Variants in ZNF483 observed in about 807,000 individuals in gnomAD.
The protein encoded by ZNF483 is zinc finger protein 483, also known as zinc finger protein HIT-10.
A neutral mutation model predicts 28.6 loss-of-function variants in ZNF483; 9 were observed. That is an observed-to-expected ratio of 0.32 (90% CI 0.19 to 0.55). The LOEUF is 0.55. Among genes scored for constraint, ZNF483 ranks in the 20% least tolerant of loss-of-function variants. The pLI is 0.93. For synonymous variants in ZNF483, 322 were observed against 306.2 expected (o/e 1.05, Z -0.54); for missense variants, 675 against 871.7 (o/e 0.77, Z 2.84).
chr9:111,576,442 T>G, exon 6 of ZNF483: 1 of 1,613,944 alleles, frequency 6.2e-7, no homozygotes, highest in Non-Finnish European at 8.5e-7. Flanking sequence ...TTGTTTCAAC[T>G]GTTACACAGA....
chr9:111,554,159 A>T lies in ZNF483; in HGVS notation c.*10989A>T, dbSNP rs1234920590. Among the ~76,000 whole-genome samples, 1 of 152,200 alleles carries T rather than the reference A, an allele frequency of 6.6e-6. No individual in the cohort carries two copies. Among genetic ancestry groups the T allele is most frequent in the African/African-American group, 2.4e-5 (1 of 41,450 alleles). ...CACAACTACAACTATTGACATCACA[A>T]ACTACTACTATTATGTTATTGGAAC... is the stretch of plus-strand genomic sequence containing the variant. On this transcript the variant is annotated 3_prime_UTR_variant, in exon 6 of 6. Transcript: ENST00000309235.
chr9:111,541,510 C>T, intron 5 of ZNF483, 147 bp from the exon 6 acceptor site: 1 of 591,438 alleles, frequency 1.7e-6, no homozygotes, highest in African/African-American at 1.9e-5. Context: ...CCTATATTGC[C>T]TTTTCCTTTT....
At chr9:111,561,110 T>TATATAGAGAGAGAGAG (rs1457364862) in intron 5 of ZNF483, among the ~76,000 whole-genome samples, 3 of 19,188 alleles carry the variant, frequency 1.6e-4, no homozygotes, top group African/African-American at 3.9e-4. Flanking sequence ...TATATATATA[T>TATATAGAGAGAGAGAG]AGAGAGAGAG....
intron 5 of ZNF483, among the ~76,000 whole-genome samples, chr9:111,566,404 A>G (rs1828564070): frequency 6.6e-6 from 1 of 152,188 alleles, no homozygotes; most frequent in African/African-American, 2.4e-5. Context: ...TGCAAGTGCT[A>G]TACTGGGAAG....
At chr9:111,528,127 A>G (rs1424093964) in intron 2 of ZNF483, 2 of 1,120,380 alleles carry the variant, frequency 1.8e-6, no homozygotes, top group African/African-American at 3.1e-5. Flanking sequence ...AACACAAGTT[A>G]TCTGTGAAAG....
At position 111,570,723 on chromosome 9, in the gene ZNF483, G is replaced by A. The variant is rs574990924; in HGVS notation, c.722-5642G>A. 3.3e-5 allele frequency among the ~76,000 whole-genome samples: 5 copies of A among 152,178 alleles called. No homozygotes were observed. The South Asian group carries it at 1.0e-3, about 32-fold the overall frequency. On this transcript the variant is annotated intron_variant, in intron 5 of 5. Transcript: ENST00000358151. Reference sequence around the variant, plus strand: ...GAACCCGACAGGTGGAGGTTGCAGTGAGCCAAGATCGTGCCACCGCACTCC... The same window carrying A: ...GAACCCGACAGGTGGAGGTTGCAGTAAGCCAAGATCGTGCCACCGCACTCC...
In ZNF483 at chr9:111,550,750, C is replaced by T. The variant is rs1827917513; in HGVS notation, c.*7580C>T. Among the ~76,000 whole-genome samples, 1 of 152,176 alleles carries T rather than the reference C, an allele frequency of 6.6e-6. No individual in the cohort carries two copies. Among genetic ancestry groups the T allele is most frequent in the Non-Finnish European group, 1.5e-5 (1 of 68,034 alleles). On this transcript the variant is annotated 3_prime_UTR_variant, in exon 6 of 6. Coordinates refer to ENST00000309235, the MANE Select transcript of ZNF483 (RefSeq NM_133464.5). ...TTAAATGTTGTGAATGTTTTTATCT[C>T]TGCTGTCATATTTTTATTTCCAAGT...
Position 111,549,888 on chromosome 9 carries a change from C to T in ZNF483, c.*6718C>T. The T allele has an allele frequency of 1.3e-6, 1 of 785,216 alleles. No homozygotes were observed. Among genetic ancestry groups the T allele is most frequent in the Non-Finnish European group, 2.1e-6 (1 of 481,010 alleles). 48.6% of individuals were successfully genotyped at this position (785,216 alleles called of 1,614,324 possible). On this transcript the variant is annotated 3_prime_UTR_variant, in exon 6 of 6. Coordinates refer to ENST00000309235, the MANE Select transcript of ZNF483 (RefSeq NM_133464.5). The stretch of plus-strand genomic sequence containing the variant: ...TCTAGTGAGTCAATGTTTGGTCTTC[C>T]TCATGTCCATTTTTTGTTGGTTTAT...
downstream of ZNF483, among the ~76,000 whole-genome samples, chr9:111,555,676 AAG>A (rs565663100): frequency 4.2e-3 from 632 of 152,228 alleles, 3 homozygotes; most frequent in African/African-American, 0.014. Context: ...GGAGAGCAAA[AAG>A]GGGGAAGTGC....
chr9:111,570,600 T>A (rs1828774256), intron 5 of ZNF483, among the ~76,000 whole-genome samples: 1 of 149,702 alleles, frequency 6.7e-6, no homozygotes. Flanking sequence ...GAAACCCCCG[T>A]CTCTTCTAAA....
rs1158269288 is a variant in ZNF483, at chr9:111,549,835, A to G, written c.*6665A>G. Reference sequence around the variant, plus strand: ...AATCAGAACATTTAGCTCTTTGAGCATCTTTAAGGCAGTTGCTTTAAAGTC... The same window carrying G: ...AATCAGAACATTTAGCTCTTTGAGCGTCTTTAAGGCAGTTGCTTTAAAGTC... On this transcript the variant is annotated 3_prime_UTR_variant, in exon 6 of 6. Transcript: ENST00000309235. The G allele has an allele frequency of 7.4e-7, 1 of 1,346,128 alleles. No homozygotes were observed. The highest frequency in any genetic ancestry group is 2.0e-5 in the Admixed American group (1 of 50,052). The allele number at this position is 1,346,128 out of a possible 1,614,324, so 83.4% of individuals were successfully genotyped here.
intron 5 of ZNF483, among the ~76,000 whole-genome samples, chr9:111,539,216 A>G (rs10441736): frequency 0.32 from 48,040 of 151,726 alleles, 8,704 homozygotes; most frequent in Non-Finnish European, 0.42. Context: ...CAAAATTTAA[A>G]ATTTAAATAG....
rs1827423150 is a variant in ZNF483 at position 111,534,279 on chromosome 9, T to TA, written c.648dup (p.Glu217ArgfsTer10). 6.2e-7 allele frequency: 1 copy of TA among 1,614,076 alleles called. No individual in the cohort carries two copies. Among genetic ancestry groups the TA allele is most frequent in the Non-Finnish European group, 8.5e-7 (1 of 1,180,004 alleles). ...TGAGCAGACTTTCCAGTTTCAAAAT[T>TA]AGAGTTGATTTCCCAGCTAAAGTGG... On this transcript the variant is annotated frameshift_variant, in exon 5 of 6. Transcript: ENST00000309235. LOFTEE classifies it high-confidence loss of function.
intron 5 of ZNF483, among the ~76,000 whole-genome samples, chr9:111,561,120 G>T (rs1450941616): frequency 4.3e-4 from 24 of 55,814 alleles, no homozygotes; most frequent in African/African-American, 7.0e-4. Flanking sequence ...TAGAGAGAGA[G>T]AGAGAGAGAG....
intron 3 of ZNF483, 95 bp from the exon 4 acceptor site, chr9:111,533,644 G>C (rs758430048): frequency 7.7e-6 from 10 of 1,292,820 alleles, no homozygotes; most frequent in Non-Finnish European, 1.0e-5. Flanking sequence ...ACTCTAACAC[G>C]GGCGACAGAG....
intron 5 of ZNF483, among the ~76,000 whole-genome samples, chr9:111,535,026 G>C (rs574829604): frequency 6.6e-6 from 1 of 152,068 alleles, no homozygotes; most frequent in East Asian, 1.9e-4. Flanking sequence ...CCCGGCTGCA[G>C]TGCAGTTCCA....
intron 5 of ZNF483, among the ~76,000 whole-genome samples, chr9:111,568,395 A>G (rs1828668281): frequency 6.6e-6 from 1 of 152,162 alleles, no homozygotes; most frequent in Non-Finnish European, 1.5e-5. Context: ...GGGTGGGGGA[A>G]AAACTCCGCC....
At chr9:111,560,944 AATATATATATATATATAT>A (rs746101013) in intron 5 of ZNF483, among the ~76,000 whole-genome samples, 21 of 31,206 alleles carry the variant, frequency 6.7e-4, no homozygotes, top group Non-Finnish European at 1.1e-3. Context: ...CTCCATCTAA[AATATATATATATATATAT>A]ATATATATAT....
chr9:111,567,346 C>T (rs1042533834), intron 5 of ZNF483, among the ~76,000 whole-genome samples: 5 of 152,106 alleles, frequency 3.3e-5, no homozygotes, highest in African/African-American at 1.2e-4. Flanking sequence ...CGCCACCATG[C>T]CCAGCTAATT....
Sources: gnomAD v4.1 joint callset for allele counts (sites outside exome capture counted in the v4.1 genomes callset) on GRCh38, gnomAD v4.1.1 for gene constraint, MANE v1.5 for transcripts, NCBI Gene and HGNC (gene_info 2026-07-23, HGNC 2026-07-21) for gene names.